HIVEP3: variants seen among roughly 807,000 people sequenced by gnomAD.
The protein encoded by HIVEP3 is transcription factor HIVEP3.
A neutral mutation model predicts 152.8 loss-of-function variants in HIVEP3; 49 were observed. The ratio of observed to expected loss-of-function variants is 0.32; its 90% CI spans 0.26 to 0.41. The LOEUF (loss-of-function observed/expected upper bound fraction) is 0.41. Among genes scored for constraint, HIVEP3 ranks in the 10% least tolerant of loss-of-function variants. The pLI is 1.00. For missense variants in HIVEP3, 2,790 were observed against 3,103.3 expected (o/e 0.90, Z 2.40); for synonymous variants, 1,269 against 1,289.0 (o/e 0.98, Z 0.33).
chr1:41,545,862 C>G (rs1569855912), intron 5 of HIVEP3, among the ~76,000 whole-genome samples: 2 of 151,906 alleles, frequency 1.3e-5, no homozygotes, highest in Non-Finnish European at 2.9e-5. Context: ...CCAGTCCTGG[C>G]CCTAGTCACA....
rs561043727 is a variant in HIVEP3, at chr1:41,774,955, C to T, written c.-800-73960G>A. ...GGACTACAGGCATGTGCCACCACAA[C>T]TGGCTAATTTTTTCTTTTTGTATTT... On this transcript the variant is annotated intron_variant, in intron 1 of 8. Coordinates refer to ENST00000372583, the MANE Select transcript of HIVEP3 (RefSeq NM_024503.5). 6.3e-3 allele frequency among the ~76,000 whole-genome samples: 958 copies of T among 152,070 alleles called. 4 individuals carry two copies. Among genetic ancestry groups the T allele is most frequent in the African/African-American group, 0.017 (717 of 41,470 alleles).
intron 1 of HIVEP3, among the ~76,000 whole-genome samples, chr1:41,720,458 A>G (rs1180191124): frequency 6.6e-6 from 1 of 152,228 alleles, no homozygotes; most frequent in African/African-American, 2.4e-5. Flanking sequence ...AATATACTAC[A>G]TTATTATTCT....
chr1:41,976,093 T>C (rs1289991947), intron 1 of HIVEP3, among the ~76,000 whole-genome samples: 1 of 151,852 alleles, frequency 6.6e-6, no homozygotes, highest in Non-Finnish European at 1.5e-5. Flanking sequence ...CACGCTTACG[T>C]CTACATCTGT....
At chr1:41,658,967 G>A in intron 2 of HIVEP3, among the ~76,000 whole-genome samples, 1 of 152,272 alleles carries the variant, frequency 6.6e-6, no homozygotes, top group African/African-American at 2.4e-5. Context: ...ACAGGGGTTG[G>A]GGATGGACAG....
chr1:41,979,393 C>T (rs892731157), intron 1 of HIVEP3, among the ~76,000 whole-genome samples: 1 of 152,138 alleles, frequency 6.6e-6, no homozygotes, highest in Non-Finnish European at 1.5e-5. Flanking sequence ...AGAAAATCAT[C>T]CCCATTTACT....
At chr1:41,576,876 C>A (rs1414753149) in intron 4 of HIVEP3, among the ~76,000 whole-genome samples, 1 of 152,204 alleles carries the variant, frequency 6.6e-6, no homozygotes, top group Non-Finnish European at 1.5e-5. Context: ...TCAGTGACCA[C>A]CAAATAATCT....
chr1:41,642,335 C>T (rs1342557025), intron 2 of HIVEP3, among the ~76,000 whole-genome samples: 3 of 152,376 alleles, frequency 2.0e-5, no homozygotes, highest in Non-Finnish European at 2.9e-5. Context: ...TGCAAAGCCC[C>T]GCTCTTGCCA....
intron 1 of HIVEP3, among the ~76,000 whole-genome samples, chr1:41,829,493 C>T (rs1043124945): frequency 2.2e-4 from 34 of 152,144 alleles, no homozygotes; most frequent in Admixed American, 1.7e-3. Context: ...AAACAGAAAC[C>T]TCTGTGCATG....
chr1:41,560,533 G>T (rs1054297761), intron 5 of HIVEP3, among the ~76,000 whole-genome samples: 1 of 152,194 alleles, frequency 6.6e-6, no homozygotes, highest in Non-Finnish European at 1.5e-5. Flanking sequence ...ACACTAAGCA[G>T]GGAAGATGTG....
chr1:41,692,184 T>C (rs540900844), intron 2 of HIVEP3, among the ~76,000 whole-genome samples: 1 of 152,330 alleles, frequency 6.6e-6, no homozygotes, highest in Non-Finnish European at 1.5e-5. Context: ...TGTTCCCAGA[T>C]GAGGCTGAAT....
At chr1:41,532,020 ATGGAAGAC>A (rs1167842755) in intron 5 of HIVEP3, among the ~76,000 whole-genome samples, 1 of 128,234 alleles carries the variant, frequency 7.8e-6, no homozygotes, top group Non-Finnish European at 1.7e-5. Context: ...GACAGGAGAG[ATGGAAGAC>A]AGGGGAGATA....
rs1645154005 is a variant in HIVEP3, at chr1:41,628,842, C to T, written c.-615G>A. 8.1e-7 allele frequency: 1 copy of T among 1,231,978 alleles called. No homozygotes were observed. Among genetic ancestry groups the T allele is most frequent in the Non-Finnish European group, 1.0e-6 (1 of 987,942 alleles). 76.3% of individuals were successfully genotyped at this position (1,231,978 alleles called of 1,614,324 possible). A position where few individuals can be genotyped will look rare whatever the true frequency, so the allele number is the denominator to read the frequency against. The stretch of plus-strand genomic sequence containing the variant: ...GTCCACTCCTACGGCAGCCACCCTC[C>T]ACCTAGGCGCCGCTCTTCCCACCAG... On this transcript the variant is annotated 5_prime_UTR_variant, in exon 3 of 9. Transcript: ENST00000372583.
intron 3 of HIVEP3, among the ~76,000 whole-genome samples, chr1:41,605,384 C>CAA (rs1644808445): frequency 6.6e-6 from 1 of 151,480 alleles, no homozygotes; most frequent in African/African-American, 2.4e-5. Flanking sequence ...CGCACACACA[C>CAA]ACACACACAC....
At chr1:41,670,018 C>T (rs1441493071) in intron 2 of HIVEP3, among the ~76,000 whole-genome samples, 1 of 152,180 alleles carries the variant, frequency 6.6e-6, no homozygotes, top group African/African-American at 2.4e-5. Flanking sequence ...TTCCTTCTTC[C>T]TCATAGCTAG....
intron 1 of HIVEP3, among the ~76,000 whole-genome samples, chr1:41,956,951 T>A (rs528076683): frequency 7.9e-5 from 12 of 152,246 alleles, no homozygotes; most frequent in African/African-American, 2.9e-4. Context: ...GACCTTAGGA[T>A]GGGTGAGAAG....
At chr1:42,000,813 G>A (rs894347474) in intron 1 of HIVEP3, among the ~76,000 whole-genome samples, 3 of 152,118 alleles carry the variant, frequency 2.0e-5, no homozygotes, top group African/African-American at 7.2e-5. Flanking sequence ...GCAACCAATC[G>A]CTCCCCAGCT....
At chr1:41,816,746 C>T (rs1225926546) in intron 1 of HIVEP3, among the ~76,000 whole-genome samples, 2 of 152,082 alleles carry the variant, frequency 1.3e-5, no homozygotes, top group Admixed American at 6.6e-5. Context: ...TGGTGATTCA[C>T]GATATGTGTT....
chr1:41,800,196 A>G (rs1225480579), intron 1 of HIVEP3, among the ~76,000 whole-genome samples: 1 of 152,230 alleles, frequency 6.6e-6, no homozygotes, highest in Non-Finnish European at 1.5e-5. Context: ...GCCCTTTGCA[A>G]TCTGACTTTG....
intron 1 of HIVEP3, among the ~76,000 whole-genome samples, chr1:41,945,520 C>T (rs911577757): frequency 6.6e-5 from 10 of 152,096 alleles, no homozygotes; most frequent in African/African-American, 1.9e-4. Flanking sequence ...AGAGAAGTGC[C>T]GCCATAACTG....
Sources: allele counts gnomAD v4.1 joint callset (sites outside exome capture counted in the v4.1 genomes callset), GRCh38; gene constraint gnomAD v4.1.1; transcripts MANE v1.5; gene names NCBI Gene and HGNC (gene_info 2026-07-23, HGNC 2026-07-21).